HTR2A: variants seen among roughly 807,000 people sequenced by gnomAD.
HTR2A encodes 5-hydroxytryptamine receptor 2A.
A neutral mutation model predicts 31.0 loss-of-function variants in HTR2A; 14 were observed. That is an observed-to-expected ratio of 0.45 (90% CI 0.30 to 0.71). HTR2A has a LOEUF of 0.71. Among genes scored for constraint, HTR2A ranks in the 30% least tolerant of loss-of-function variants. The pLI is 0.09. For missense variants in HTR2A, 442 were observed against 573.3 expected, an observed-to-expected ratio of 0.77 and a Z score of 2.34; for synonymous variants, 209 against 225.2, an observed-to-expected ratio of 0.93 and a Z score of 0.64.
At chr13:46,868,988 T>A (rs1950842819) in intron 3 of HTR2A, among the ~76,000 whole-genome samples, 1 of 152,094 alleles carries the variant, frequency 6.6e-6, no homozygotes, top group Admixed American at 6.6e-5. Flanking sequence ...TTACAGAATC[T>A]GAAGAGACTA....
intron 3 of HTR2A, among the ~76,000 whole-genome samples, chr13:46,876,748 A>C (rs916081187): frequency 1.3e-5 from 2 of 152,108 alleles, no homozygotes; most frequent in Non-Finnish European, 2.9e-5. Context: ...GTTCGTGAGA[A>C]TATATCTGTC....
intron 3 of HTR2A, among the ~76,000 whole-genome samples, chr13:46,845,643 C>CAAAAA: frequency 8.9e-6 from 1 of 112,964 alleles, no homozygotes; most frequent in South Asian, 3.0e-4. Flanking sequence ...TTCATCACTC[C>CAAAAA]AAAAAAAAAA....
At chr13:46,883,324 C>A (rs1950982338) in intron 3 of HTR2A, among the ~76,000 whole-genome samples, 1 of 151,414 alleles carries the variant, frequency 6.6e-6, no homozygotes, top group South Asian at 2.1e-4. Flanking sequence ...ATAAATGTAA[C>A]CCAGCTTGCC....
chr13:46,896,865 G>T lies in HTR2A; in HGVS notation c.-520C>A, dbSNP rs1159031944. 1.3e-6 allele frequency: 2 copies of T among 1,532,706 alleles called. No homozygotes were observed. The highest frequency in any genetic ancestry group is 1.4e-5 in the African/African-American group (1 of 72,816). 94.9% of individuals were successfully genotyped at this position (1,532,706 alleles called of 1,614,324 possible). ...GCTGAGCCAGCTCCCGCACTGCTAG[G>T]ATCCTGTTGGCTTCCTCTGGCACGG... On this transcript the variant is annotated 5_prime_UTR_variant, in exon 1 of 4. Coordinates refer to ENST00000542664, the MANE Select transcript of HTR2A (RefSeq NM_000621.5).
chr13:46,877,233 A>G (rs1314633353), intron 3 of HTR2A, among the ~76,000 whole-genome samples: 2 of 152,214 alleles, frequency 1.3e-5, no homozygotes, highest in African/African-American at 2.4e-5. Flanking sequence ...CCAATACGGC[A>G]GAACTCGGCT....
intron 3 of HTR2A, among the ~76,000 whole-genome samples, chr13:46,873,072 T>C (rs982003335): frequency 2.0e-5 from 3 of 152,154 alleles, no homozygotes; most frequent in African/African-American, 7.2e-5. Flanking sequence ...CTAGAAAAGT[T>C]AGCCTTCAGA....
At chr13:46,878,478 G>T (rs1169373605) in intron 3 of HTR2A, among the ~76,000 whole-genome samples, 1 of 152,126 alleles carries the variant, frequency 6.6e-6, no homozygotes. Context: ...GAAGCCCTGG[G>T]AAGCACTTCA....
chr13:46,855,477 C>T (rs1193672219), intron 3 of HTR2A, among the ~76,000 whole-genome samples: 1 of 152,188 alleles, frequency 6.6e-6, no homozygotes, highest in East Asian at 1.9e-4. Context: ...TTCCACTTTC[C>T]CAGTTCAGTG....
chr13:46,878,683 G>C (rs1279005248), intron 3 of HTR2A, among the ~76,000 whole-genome samples: 1 of 152,120 alleles, frequency 6.6e-6, no homozygotes, highest in African/African-American at 2.4e-5. Context: ...GAGTGGGAAG[G>C]AGCTGAGGAA....
intron 3 of HTR2A, among the ~76,000 whole-genome samples, chr13:46,888,037 C>A (rs1011593982): frequency 1.2e-4 from 18 of 151,538 alleles, no homozygotes; most frequent in African/African-American, 4.4e-4. Flanking sequence ...TGTAACAAAC[C>A]TGCACATCCT....
At chr13:46,894,587 C>G (rs1951086209) in intron 2 of HTR2A, among the ~76,000 whole-genome samples, 1 of 152,176 alleles carries the variant, frequency 6.6e-6, no homozygotes, top group Non-Finnish European at 1.5e-5. Context: ...AAGACTTGAC[C>G]AGAAAATTTC....
chr13:46,852,394 GCT>G (rs1239653608), intron 3 of HTR2A, among the ~76,000 whole-genome samples: 2 of 152,244 alleles, frequency 1.3e-5, no homozygotes, highest in Non-Finnish European at 2.9e-5. Context: ...GCAAAGGGGG[GCT>G]CTCTCGGCTG....
rs544720355 is a variant in HTR2A at position 46,855,624 on chromosome 13, T to C, written c.614-19985A>G. 7.6e-4 allele frequency among the ~76,000 whole-genome samples: 115 copies of C among 151,326 alleles called. 1 individual carries two copies. The highest frequency in any genetic ancestry group is 2.6e-3 in the Admixed American group (40 of 15,192). The stretch of plus-strand genomic sequence containing the variant: ...TAAACTGGAGACAGAACCCAAAAGC[T>C]TTCCCTCCCTAAAAAAGGCCTAAGG... On this transcript the variant is annotated intron_variant, in intron 3 of 3. Coordinates refer to ENST00000542664, the MANE Select transcript of HTR2A (RefSeq NM_000621.5).
chr13:46,862,650 G>A (rs1404166143), intron 3 of HTR2A, among the ~76,000 whole-genome samples: 1 of 152,174 alleles, frequency 6.6e-6, no homozygotes, highest in African/African-American at 2.4e-5. Context: ...CTTCCGCTAA[G>A]TGAACTATTT....
intron 3 of HTR2A, among the ~76,000 whole-genome samples, chr13:46,867,197 G>A (rs912926178): frequency 6.6e-5 from 10 of 152,186 alleles, no homozygotes; most frequent in Admixed American, 5.2e-4. Flanking sequence ...AACCGTCCAA[G>A]TTTAAGTCCA....
At chr13:46,887,395 C>T (rs927806750) in intron 3 of HTR2A, among the ~76,000 whole-genome samples, 5 of 115,558 alleles carry the variant, frequency 4.3e-5, no homozygotes, top group East Asian at 2.8e-4. Context: ...TGCACTCCAG[C>T]GGGGGCGACA....
At chr13:46,847,503 C>G (rs904182133) in intron 3 of HTR2A, among the ~76,000 whole-genome samples, 1 of 152,140 alleles carries the variant, frequency 6.6e-6, no homozygotes, top group Non-Finnish European at 1.5e-5. Context: ...TGCCTGAGGG[C>G]AATCAAGTTC....
Position 46,844,346 on chromosome 13 carries a change from T to C in HTR2A, c.614-8707A>G, listed in dbSNP as rs145988696. ...CACAGCTTGAAGTTACTGAATAATT[T>C]CGTAATGCTTCCCTTCATTTTTGTT... On this transcript the variant is annotated intron_variant, in intron 3 of 3. Coordinates refer to ENST00000542664, the MANE Select transcript of HTR2A (RefSeq NM_000621.5). Among the ~76,000 whole-genome samples, 430 of 152,324 alleles carry C rather than the reference T, an allele frequency of 2.8e-3. 1 individual carries two copies. The highest frequency in any genetic ancestry group is 4.9e-3 in the Non-Finnish European group (335 of 68,028).
intron 3 of HTR2A, 56 bp downstream of exon 3, chr13:46,892,334 T>C: frequency 6.5e-7 from 1 of 1,539,702 alleles, no homozygotes; most frequent in Non-Finnish European, 9.0e-7. Context: ...AACAAGTCTT[T>C]TCAGAAAGCA....
Sources: allele counts gnomAD v4.1 joint callset (sites outside exome capture counted in the v4.1 genomes callset), GRCh38; gene constraint gnomAD v4.1.1; transcripts MANE v1.5; gene names NCBI Gene and HGNC (gene_info 2026-07-23, HGNC 2026-07-21).